Variants in NPHP3 observed in about 807,000 individuals in gnomAD.
The protein encoded by NPHP3 is nephrocystin 3, also known as nephrocystin-3.
In NPHP3, 123 loss-of-function variants were observed where a neutral mutation model predicts 171.9. That is an observed-to-expected ratio of 0.72 (90% CI 0.62 to 0.83). The LOEUF (loss-of-function observed/expected upper bound fraction) is 0.83. Among genes scored for constraint, NPHP3 ranks in the 40% least tolerant of loss-of-function variants. The pLI, the probability that NPHP3 is intolerant of heterozygous loss-of-function variation, is 0.00. For missense variants in NPHP3, 1,506 were observed against 1,591.9 expected (o/e 0.95, Z 0.92); for synonymous variants, 558 against 579.2 (o/e 0.96, Z 0.52).
intron 9 of NPHP3, among the ~76,000 whole-genome samples, chr3:132,703,954 A>G (rs1939682395): frequency 6.6e-6 from 1 of 152,182 alleles, no homozygotes; most frequent in South Asian, 2.1e-4. Flanking sequence ...TGGTAGCATA[A>G]TAAACATGTG....
chr3:132,716,828 T>A lies in NPHP3; in HGVS notation c.752A>T (p.Gln251Leu). ...PSIGSMIQLQ[Q>L]SFRGPEFAHS... Reference sequence around the variant, plus strand: ...GGCAAACTCAGGGCCTCTGAAGGACTGCTGAAGCTGGATCATGCTTCCTAT... The same window carrying A: ...GGCAAACTCAGGGCCTCTGAAGGACAGCTGAAGCTGGATCATGCTTCCTAT... The change falls in exon 4 of 27, where the codon CAG becomes CTG. Residue 251 changes from glutamine (Q) to leucine (L), a missense_variant. By Grantham distance (113) the Gln-to-Leu change is moderately radical (BLOSUM62 -2). Coordinates refer to ENST00000337331, the MANE Select transcript of NPHP3 (RefSeq NM_153240.5). 1.9e-6 allele frequency: 3 copies of A among 1,614,198 alleles called. No individual in the cohort carries two copies. In the South Asian group the frequency reaches 3.3e-5, roughly 18 times the overall value.
intron 3 of NPHP3, among the ~76,000 whole-genome samples, chr3:132,717,704 T>A (rs890150373): frequency 6.6e-6 from 1 of 152,018 alleles, no homozygotes; most frequent in Non-Finnish European, 1.5e-5. Context: ...AAGACTTGTG[T>A]TGGGGTATAA....
chr3:132,692,408 G>C (rs919684833), intron 17 of NPHP3, among the ~76,000 whole-genome samples: 2 of 151,948 alleles, frequency 1.3e-5, no homozygotes, highest in Non-Finnish European at 2.9e-5. Flanking sequence ...TTGATCTTTT[G>C]TGTCTGACTT....
Position 132,694,863 on chromosome 3 carries a change from G to A in NPHP3, c.2274C>T (p.Ser758=). The A allele has an allele frequency of 1.9e-6, 3 of 1,613,528 alleles. No individual in the cohort carries two copies. Among genetic ancestry groups the A allele is most frequent in the East Asian group, 4.5e-5 (2 of 44,834 alleles). Residue 758 remains serine (S), a synonymous_variant, in exon 16 of 27, where the codon TCC becomes TCT. Coordinates refer to ENST00000337331, the MANE Select transcript of NPHP3 (RefSeq NM_153240.5). ...GCTCTTTATCCACATCATTTGCCATGGACTCCCGGATAGAGTGCAGAACAA... is the reference window on the plus strand; with the variant it reads ...GCTCTTTATCCACATCATTTGCCATAGACTCCCGGATAGAGTGCAGAACAA... ...YRLVLHSIRE[S]MANDVDKELM... is the part of the protein sequence containing the mutation.
intron 19 of NPHP3, among the ~76,000 whole-genome samples, chr3:132,689,536 C>T (rs1157529572): frequency 2.0e-5 from 3 of 152,158 alleles, no homozygotes; most frequent in Non-Finnish European, 4.4e-5. Flanking sequence ...GGGATTATGG[C>T]ACACAGTAAG....
In NPHP3 at chr3:132,716,813, G is replaced by A. The variant is rs374171796; in HGVS notation, c.767C>T (p.Pro256Leu). The change falls in exon 4 of 27, where the codon CCT becomes CTT. Residue 256 changes from proline to leucine, a missense_variant. Physicochemically the swap from Pro to Leu is moderately conservative, Grantham distance 98. Transcript: ENST00000337331. ...ATCTATAGAACTATGGGCAAACTCA[G>A]GGCCTCTGAAGGACTGCTGAAGCTG... is the stretch of plus-strand genomic sequence containing the variant. Reference protein sequence around the residue: ...MIQLQQSFRGPEFAHSSIDVE... With the variant: ...MIQLQQSFRGLEFAHSSIDVE... The A allele has an allele frequency of 1.2e-6, 2 of 1,614,064 alleles. No individual in the cohort carries two copies. The highest frequency in any genetic ancestry group is 1.7e-6 in the Non-Finnish European group (2 of 1,180,022).
rs1044574698 is a variant in NPHP3, at chr3:132,719,110, T to G, written c.554A>C (p.Asp185Ala). The G allele has an allele frequency of 2.5e-6, 4 of 1,612,792 alleles. No individual in the cohort carries two copies. The highest frequency in any genetic ancestry group is 3.4e-6 in the Non-Finnish European group (4 of 1,179,480). Residue 185 changes from aspartate (D) to alanine (A), a missense_variant, in exon 3 of 27, where the codon GAC becomes GCC. Asp to Ala is a moderately radical substitution (Grantham distance 126). This residue lies in a region of NPHP3 where 930 missense variants were observed against 924.9 expected (regional missense o/e 1.01). Coordinates refer to ENST00000337331, the MANE Select transcript of NPHP3 (RefSeq NM_153240.5). ...FRETKENEIQDLLRAKRELES... is the reference protein window; with the variant it reads ...FRETKENEIQALLRAKRELES... ...CAACTCCCTCTTGGCCCTCAGTAAG[T>G]CCTGAATTTCATTTTCTTTGGTCTC... is the stretch of plus-strand genomic sequence containing the variant.
At chr3:132,703,296 A>C (rs942751794) in intron 9 of NPHP3, among the ~76,000 whole-genome samples, 2 of 152,260 alleles carry the variant, frequency 1.3e-5, no homozygotes, top group Non-Finnish European at 2.9e-5. Context: ...TTCTGTAAAA[A>C]TACAACTGTT....
At chr3:132,688,937 T>C (rs373505210) in intron 20 of NPHP3, 46 bp from the exon 21 acceptor site, 2 of 1,613,598 alleles carry the variant, frequency 1.2e-6, no homozygotes, top group African/African-American at 2.7e-5. Flanking sequence ...AGTGAAATGC[T>C]GCAAGATCTG....
rs886849745 is a variant in NPHP3 at position 132,684,733 on chromosome 3, G to T, written c.3391C>A (p.His1131Asn). The change falls in exon 24 of 27, where the codon CAC (histidine) becomes AAC (asparagine). Residue 1131 changes from histidine to asparagine, a missense_variant. Coordinates refer to ENST00000337331, the MANE Select transcript of NPHP3 (RefSeq NM_153240.5). ...EMRERVLGPD[H>N]PDCAQSLNNL... ...TTCAAAGACTGAGCACAGTCAGGGT[G>T]ATCTGGTCCTAGAACTCGCTCCCTC... is the stretch of plus-strand genomic sequence containing the variant. 2 of 1,613,868 alleles carry T rather than the reference G, an allele frequency of 1.2e-6. No homozygotes were observed. Among genetic ancestry groups the T allele is most frequent in the Non-Finnish European group, 1.7e-6 (2 of 1,179,958 alleles).
rs1447213585 is a variant in NPHP3, at chr3:132,708,212, T to C, written c.1164A>G (p.Glu388=). Residue 388 remains glutamate, a synonymous_variant, in exon 7 of 27, where the codon GAA becomes GAG. Transcript: ENST00000337331. The part of the protein sequence containing the change: ...DCEEAFLKNP[E]GKPRLIFHRL... ...GATGAAAGATTAATCGAGGTTTTCC[T>C]TCAGGGTTTTTCAGAAAAGCTTCTT... 1 of 1,614,204 alleles carries C rather than the reference T, an allele frequency of 6.2e-7. No individual in the cohort carries two copies. The highest frequency in any genetic ancestry group is 2.2e-5 in the East Asian group (1 of 44,886).
intron 13 of NPHP3, among the ~76,000 whole-genome samples, 164 bp from the exon 14 acceptor site, chr3:132,697,526 T>C (rs112097221): frequency 1.3e-5 from 2 of 151,800 alleles, no homozygotes; most frequent in East Asian, 2.0e-4. Context: ...TAATATATCT[T>C]ATTCTAATAT....
chr3:132,699,255 TA>T, intron 13 of NPHP3, 97 bp downstream of exon 13: 1 of 822,066 alleles, frequency 1.2e-6, no homozygotes, highest in Non-Finnish European at 2.0e-6. Flanking sequence ...GCAAGTTACA[TA>T]AAAAATGTGA....
intron 15 of NPHP3, among the ~76,000 whole-genome samples, chr3:132,696,487 T>C (rs987330023): frequency 1.3e-5 from 2 of 152,184 alleles, no homozygotes; most frequent in East Asian, 1.9e-4. Context: ...TGGCTTTCTT[T>C]TGCAACCTCC....
rs748849731 is a variant in NPHP3 at position 132,686,390 on chromosome 3, G to A, written c.3202-3C>T. On this transcript the variant is annotated splice_polypyrimidine_tract_variant and splice_region_variant and intron_variant, in intron 22 of 26. Coordinates refer to ENST00000337331, the MANE Select transcript of NPHP3 (RefSeq NM_153240.5). ...CTACGTAAAAGGGCAAATCCGTACT[G>A]CAGCAAACATGAAAAATGAAAAGCA... 2.5e-6 allele frequency: 4 copies of A among 1,613,860 alleles called. No homozygotes were observed. The Admixed American group carries it at 5.0e-5, about 20-fold the overall frequency.
intron 19 of NPHP3, 44 bp downstream of exon 19, chr3:132,690,484 T>C (rs751702512): frequency 1.4e-5 from 22 of 1,587,152 alleles, no homozygotes; most frequent in Non-Finnish European, 1.4e-5. Flanking sequence ...TGAACAACTT[T>C]AAATCTCTCT....
intron 17 of NPHP3, 46 bp from the exon 18 acceptor site, chr3:132,691,332 A>G: frequency 7.8e-7 from 1 of 1,280,078 alleles, no homozygotes; most frequent in South Asian, 1.2e-5. Context: ...CACGTAAGTC[A>G]CTGTACATCT....
chr3:132,704,095 T>C (rs1939685075), intron 9 of NPHP3, 103 bp downstream of exon 9: 2 of 1,148,294 alleles, frequency 1.7e-6, no homozygotes, highest in Non-Finnish European at 1.3e-6. Context: ...ATTAGACAAC[T>C]AATATAATCA....
At position 132,681,936 on chromosome 3, in the gene NPHP3, CATT is replaced by C. The variant is rs779824626; in HGVS notation, c.3964_3966del (p.Asn1322del). ...TACCTTTGTCCTTGCTGAAGGAAAA[CATT>C]AGGAGAATGAGCTGTTTTTAAGCTA... On this transcript the variant is annotated inframe_deletion, in exon 27 of 27. Coordinates refer to ENST00000337331, the MANE Select transcript of NPHP3 (RefSeq NM_153240.5). 65 of 1,614,070 alleles carry C rather than the reference CATT, an allele frequency of 4.0e-5. No homozygotes were observed. The Middle Eastern group carries it at 3.6e-3, about 90-fold the overall frequency.
Sources: gnomAD v4.1 joint callset for allele counts (sites outside exome capture counted in the v4.1 genomes callset) on GRCh38, gnomAD v4.1.1 for gene constraint, gnomAD v4.1.1 regional missense constraint, MANE v1.5 for transcripts, NCBI Gene and HGNC (gene_info 2026-07-23, HGNC 2026-07-21) for gene names.